AGBL1: variants seen among roughly 807,000 people sequenced by gnomAD.
AGBL1 encodes AGBL carboxypeptidase 1.
A neutral mutation model predicts 118.9 loss-of-function variants in AGBL1; 130 were observed. The observed-to-expected ratio is 1.09, with a 90% CI of 0.95 to 1.26. The LOEUF (loss-of-function observed/expected upper bound fraction) is 1.26, where lower values mean the gene tolerates loss of function less well. AGBL1 is among the 50% of genes most tolerant of loss of function. AGBL1 has a pLI of 0.00. For synonymous variants in AGBL1, 555 were observed against 478.9 expected, an observed-to-expected ratio of 1.16 and a Z score of -2.08; for missense variants, 1,584 against 1,298.1, an observed-to-expected ratio of 1.22 and a Z score of -3.38.
intron 22 of AGBL1, among the ~76,000 whole-genome samples, chr15:86,869,949 G>T (rs556683758): frequency 7.8e-4 from 118 of 152,232 alleles, no homozygotes; most frequent in Non-Finnish European, 1.2e-3. Flanking sequence ...ATGTCCAGCA[G>T]AGCTGCAAAA....
intron 1 of AGBL1, chr15:86,083,229 C>G (rs145494309): frequency 1.3e-5 from 2 of 152,124 alleles, no homozygotes; most frequent in African/African-American, 2.4e-5. Flanking sequence ...GTCCTGCTCT[C>G]GTCTCTCCAT....
chr15:86,381,324 A>G (rs1169349334), intron 17 of AGBL1, among the ~76,000 whole-genome samples: 3 of 152,240 alleles, frequency 2.0e-5, no homozygotes, highest in Non-Finnish European at 4.4e-5. Flanking sequence ...TTAACAATTA[A>G]TGAAGTTGAC....
intron 17 of AGBL1, among the ~76,000 whole-genome samples, chr15:86,352,289 G>T (rs573213157): frequency 3.3e-4 from 50 of 152,292 alleles, no homozygotes; most frequent in African/African-American, 1.2e-3. Context: ...AGACAGGAAA[G>T]ATACAGTTAG....
intron 22 of AGBL1, among the ~76,000 whole-genome samples, chr15:86,760,292 C>T (rs753150891): frequency 2.0e-5 from 3 of 152,128 alleles, no homozygotes; most frequent in Middle Eastern, 6.8e-3. Context: ...GGGTGTCTTC[C>T]ATAAATCAGC....
chr15:86,490,767 T>G (rs2082767763), intron 18 of AGBL1, among the ~76,000 whole-genome samples: 1 of 152,118 alleles, frequency 6.6e-6, no homozygotes, highest in Non-Finnish European at 1.5e-5. Context: ...ATATTGTTTC[T>G]CAGTGGCACC....
chr15:86,783,062 G>A (rs1025493439), intron 22 of AGBL1, among the ~76,000 whole-genome samples: 1 of 152,122 alleles, frequency 6.6e-6, no homozygotes, highest in Non-Finnish European at 1.5e-5. Flanking sequence ...CATCCCAGAG[G>A]AATCCATATC....
At chr15:87,014,732 G>A (rs753750199) in intron 24 of AGBL1, among the ~76,000 whole-genome samples, 1 of 152,150 alleles carries the variant, frequency 6.6e-6, no homozygotes, top group East Asian at 1.9e-4. Flanking sequence ...TTTATCACTT[G>A]TACTGCCAGG....
chr15:86,488,986 C>G (rs1031286413), intron 18 of AGBL1, among the ~76,000 whole-genome samples: 1 of 151,922 alleles, frequency 6.6e-6, no homozygotes, highest in African/African-American at 2.4e-5. Flanking sequence ...ATTTAAAGAG[C>G]TGAGCAATGA....
At chr15:86,575,412 A>G (rs1319430409) in intron 21 of AGBL1, among the ~76,000 whole-genome samples, 1 of 151,678 alleles carries the variant, frequency 6.6e-6, no homozygotes, top group Non-Finnish European at 1.5e-5. Flanking sequence ...AGGCAGGAGG[A>G]TCACTTGAGC....
At chr15:86,105,106 T>C (rs1490786200) in intron 1 of AGBL1, 1 of 152,228 alleles carries the variant, frequency 6.6e-6, no homozygotes, top group African/African-American at 2.4e-5. Context: ...AGATGATCTA[T>C]TCGAAGTGTA....
intron 22 of AGBL1, among the ~76,000 whole-genome samples, chr15:86,819,293 C>A (rs1423486229): frequency 6.6e-6 from 1 of 151,944 alleles, no homozygotes; most frequent in East Asian, 1.9e-4. Flanking sequence ...AGGAGGTACA[C>A]AAAGATAAGG....
At chr15:86,962,889 T>G (rs946855324) in intron 23 of AGBL1, among the ~76,000 whole-genome samples, 4 of 152,110 alleles carry the variant, frequency 2.6e-5, no homozygotes, top group Non-Finnish European at 5.9e-5. Context: ...GAAAGTCTAT[T>G]GTAGAAGACT....
At chr15:86,358,392 T>C (rs1475908041) in intron 17 of AGBL1, among the ~76,000 whole-genome samples, 3 of 152,048 alleles carry the variant, frequency 2.0e-5, no homozygotes, top group Non-Finnish European at 2.9e-5. Context: ...AATATTCTCT[T>C]ATATATATGT....
chr15:86,793,330 C>A (rs1036154306), intron 22 of AGBL1, among the ~76,000 whole-genome samples: 8 of 152,264 alleles, frequency 5.3e-5, no homozygotes, highest in Admixed American at 3.3e-4. Context: ...CAGATATAAA[C>A]CCATACATCT....
chr15:87,022,765 C>T (rs774162919), intron 24 of AGBL1, among the ~76,000 whole-genome samples: 29 of 152,166 alleles, frequency 1.9e-4, no homozygotes, highest in Middle Eastern at 3.4e-3. Flanking sequence ...GATTTCTCAG[C>T]AGAAACCGTA....
chr15:86,643,474 T>C (rs1234121503), intron 21 of AGBL1, among the ~76,000 whole-genome samples: 1 of 152,158 alleles, frequency 6.6e-6, no homozygotes, highest in African/African-American at 2.4e-5. Context: ...TATTGAGGAC[T>C]TAATTTGACT....
chr15:86,487,876 G>T (rs534408539), intron 18 of AGBL1, among the ~76,000 whole-genome samples: 5 of 152,188 alleles, frequency 3.3e-5, no homozygotes, highest in Admixed American at 2.6e-4. Flanking sequence ...ATGGAACATC[G>T]CTGAGAGAAC....
chr15:86,569,042 C>G lies in AGBL1; in HGVS notation c.2994+14505C>G, dbSNP rs1331780202. ...TTTTTCACTCCCATATTCTCTAATA[C>G]CTTTCCCTTCTCAAAGTCTTGGAAA... is the stretch of plus-strand genomic sequence containing the variant. On this transcript the variant is annotated intron_variant, in intron 21 of 22. Coordinates refer to ENST00000614907, the MANE Select transcript of AGBL1 (RefSeq NM_001386094.1). Among the ~76,000 whole-genome samples the G allele has an allele frequency of 5.3e-5, 8 of 151,562 alleles. No individual in the cohort carries two copies. In the East Asian group the frequency reaches 9.7e-4, roughly 18 times the overall value.
chr15:86,281,899 CCA>C, intron 16 of AGBL1, among the ~76,000 whole-genome samples: 1 of 152,230 alleles, frequency 6.6e-6, no homozygotes, highest in South Asian at 2.1e-4. Context: ...AACCACCAGC[CCA>C]CAGTTTTTAT....
Sources: gnomAD v4.1 joint callset for allele counts (sites outside exome capture counted in the v4.1 genomes callset) on GRCh38, gnomAD v4.1.1 for gene constraint, MANE v1.5 for transcripts, NCBI Gene and HGNC (gene_info 2026-07-23, HGNC 2026-07-21) for gene names.